Variants in TTC3 observed in about 807,000 individuals in gnomAD.
The protein encoded by TTC3 is tetratricopeptide repeat domain 3, also known as E3 ubiquitin-protein ligase TTC3.
In TTC3, 180 loss-of-function variants were observed where a neutral mutation model predicts 249.6. The observed-to-expected ratio is 0.72, with a 90% confidence interval of 0.64 to 0.82. The LOEUF is 0.82. TTC3 is among the 40% of genes least tolerant of loss of function. The pLI is 0.00. For missense variants in TTC3, 2,061 were observed against 2,398.4 expected (o/e 0.86, Z 2.94); for synonymous variants, 717 against 805.0 (o/e 0.89, Z 1.85).
intron 31 of TTC3, among the ~76,000 whole-genome samples, chr21:37,162,441 G>A (rs189349409): frequency 2.8e-4 from 42 of 152,252 alleles, no homozygotes; most frequent in African/African-American, 9.9e-4. Flanking sequence ...AAGAGAGGAA[G>A]CTGTTTTGGG....
Position 37,091,435 on chromosome 21 carries a change from T to G in TTC3, c.601+22T>G, listed in dbSNP as rs1351691535. ...GAATGTAAGTATAAATGCTTTAAATTGTTACTTGACTCAGTTTTTAAAGGT... is the reference window on the plus strand; with the variant it reads ...GAATGTAAGTATAAATGCTTTAAATGGTTACTTGACTCAGTTTTTAAAGGT... On this transcript the variant is annotated intron_variant, in intron 7 of 45. Coordinates refer to ENST00000355666, the Ensembl canonical transcript of TTC3. 3 of 1,585,648 alleles carry G rather than the reference T, an allele frequency of 1.9e-6. No homozygotes were observed. The African/African-American group carries it at 4.1e-5, about 22-fold the overall frequency.
At chr21:37,165,816 T>A in exon 33 of TTC3, 1 of 1,614,176 alleles carries the variant, frequency 6.2e-7, no homozygotes, top group Non-Finnish European at 8.5e-7. Flanking sequence ...GGGGAGTATG[T>A]ACGAGTTAAA....
intron 40 of TTC3, among the ~76,000 whole-genome samples, chr21:37,191,835 C>T (rs1330182478): frequency 1.3e-5 from 2 of 152,222 alleles, no homozygotes; most frequent in Admixed American, 6.5e-5. Context: ...GTGATCTGCC[C>T]GCTTCGGCCT....
intron 16 of TTC3, among the ~76,000 whole-genome samples, chr21:37,131,079 C>T (rs916332031): frequency 5.9e-5 from 9 of 152,058 alleles, no homozygotes; most frequent in Admixed American, 1.3e-4. Context: ...GTCCCAGTTC[C>T]TGGTACAGAG....
Position 37,087,817 on chromosome 21 carries a change from AT to A in TTC3, c.145-12del, listed in dbSNP as rs1274704800. 1 of 1,572,550 alleles carries A rather than the reference AT, an allele frequency of 6.4e-7. No homozygotes were observed. The highest frequency in any genetic ancestry group is 1.4e-5 in the African/African-American group (1 of 73,354). ...ATTTTACTAGACACAAATCAAAATA[AT>A]TTTCTTCTTTTTAGGGTGTGCAATA... On this transcript the variant is annotated splice_polypyrimidine_tract_variant and intron_variant, in intron 2 of 45. Coordinates refer to ENST00000355666, the Ensembl canonical transcript of TTC3.
chr21:37,078,034 G>A (rs2071140064), intron 1 of TTC3, among the ~76,000 whole-genome samples: 1 of 152,080 alleles, frequency 6.6e-6, no homozygotes, highest in Admixed American at 6.5e-5. Context: ...CTGAGATAGT[G>A]ATCCACATTG....
chr21:37,080,865 T>A (rs998831641), intron 1 of TTC3, among the ~76,000 whole-genome samples: 2 of 152,118 alleles, frequency 1.3e-5, no homozygotes, highest in Non-Finnish European at 2.9e-5. Flanking sequence ...ACTACTGGAT[T>A]TTTCTTTTAA....
chr21:37,182,658 C>A, intron 35 of TTC3, 116 bp from the exon 36 acceptor site: 2 of 1,078,892 alleles, frequency 1.9e-6, no homozygotes, highest in Non-Finnish European at 2.5e-6. Context: ...GGAGTGTGTT[C>A]CACTGAACTT....
intron 18 of TTC3, among the ~76,000 whole-genome samples, chr21:37,137,792 A>T (rs1264484505): frequency 6.6e-6 from 1 of 152,202 alleles, no homozygotes; most frequent in Non-Finnish European, 1.5e-5. Flanking sequence ...AGTATGACAG[A>T]CTTCATTGTC....
chr21:37,154,204 ACGCCACGGGAAAAAGGCAGGGCCTTTAGC>A (rs1226114319), intron 27 of TTC3, among the ~76,000 whole-genome samples: 2 of 152,354 alleles, frequency 1.3e-5, no homozygotes, highest in African/African-American at 4.8e-5. Context: ...AGGCTAAAGT[ACGCCACGGGAAAAAGGCAGGGCCTTTAGC>A]CGCAGACCAC....
intron 1 of TTC3, chr21:37,086,901 C>G (rs1023426585): frequency 5.1e-5 from 10 of 194,234 alleles, no homozygotes; most frequent in African/African-American, 2.1e-4. Context: ...CTTCATTCAG[C>G]AAACACTTAT....
intron 10 of TTC3, chr21:37,100,679 A>G (rs2074394997): frequency 6.6e-6 from 1 of 152,222 alleles, no homozygotes; most frequent in Non-Finnish European, 1.5e-5. Flanking sequence ...GGAATGAGGC[A>G]GGGGTTGGGG....
exon 24 of TTC3, chr21:37,150,134 T>G: frequency 6.2e-7 from 1 of 1,613,526 alleles, no homozygotes. Flanking sequence ...TTTCTAAGAT[T>G]ATCATCTTCA....
chr21:37,163,132 A>G (rs924983263), intron 31 of TTC3, among the ~76,000 whole-genome samples: 2 of 152,220 alleles, frequency 1.3e-5, no homozygotes, highest in East Asian at 1.9e-4. Context: ...GGGGGTTTAC[A>G]TACATAAACT....
intron 44 of TTC3, among the ~76,000 whole-genome samples, chr21:37,198,481 T>C (rs528110464): frequency 1.3e-5 from 2 of 152,328 alleles, no homozygotes; most frequent in East Asian, 3.9e-4. Context: ...TAGACCGTGA[T>C]TGCCTGGAGA....
chr21:37,194,622 C>A (rs1023015496), intron 41 of TTC3: 2 of 152,086 alleles, frequency 1.3e-5, no homozygotes, highest in African/African-American at 4.8e-5. Flanking sequence ...GAGAAAAGAT[C>A]GTATCCTGAG....
chr21:37,196,095 A>T (rs1602190128), intron 42 of TTC3, 59 bp downstream of exon 42: 4 of 1,575,420 alleles, frequency 2.5e-6, no homozygotes, highest in South Asian at 2.4e-5. Flanking sequence ...AGGTTTCCTG[A>T]TTAGATAAAA....
intron 15 of TTC3, among the ~76,000 whole-genome samples, chr21:37,126,859 CTT>C (rs910021646): frequency 7.0e-5 from 10 of 143,174 alleles, no homozygotes; most frequent in African/African-American, 7.7e-5. Flanking sequence ...CTTTTTCTTT[CTT>C]TTTTTTTTTT....
rs529096788 is a variant in TTC3, at chr21:37,153,037, G to T, written c.2500G>T (p.Gly834Cys). 1.9e-6 allele frequency: 3 copies of T among 1,613,898 alleles called. 1 individual carries two copies. The South Asian group carries it at 3.3e-5, about 18-fold the overall frequency. ...GCAGTATGCTGACAAGATTAAATCC[G>T]GCATACAGAATACAGCCATGCTTCT... The change falls in exon 27 of 46, where the codon GGC becomes TGC. Residue 834 changes from glycine (G) to cysteine (C), a missense_variant. This residue lies in a region of TTC3 where 989 missense variants were observed against 1,145.1 expected (regional missense o/e 0.86). Coordinates refer to ENST00000355666, the Ensembl canonical transcript of TTC3.
Sources: allele counts gnomAD v4.1 joint callset (sites outside exome capture counted in the v4.1 genomes callset), GRCh38; gene constraint gnomAD v4.1.1; regional missense constraint gnomAD v4.1.1; transcripts MANE v1.5; gene names NCBI Gene and HGNC (gene_info 2026-07-23, HGNC 2026-07-21).